THADA: variants seen among roughly 807,000 people sequenced by gnomAD.
THADA encodes tRNA (32-2'-O)-methyltransferase regulator THADA.
In THADA, 213 loss-of-function variants were observed where a neutral mutation model predicts 219.8. The ratio of observed to expected loss-of-function variants is 0.97; its 90% confidence interval spans 0.87 to 1.09. THADA has a LOEUF of 1.09. Ranked by LOEUF, THADA falls within the 50% of genes least tolerant of loss-of-function variation. The pLI, the probability that THADA is intolerant of heterozygous loss-of-function variation, is 0.00. For synonymous variants in THADA, 1,018 were observed against 828.9 expected (o/e 1.23, Z -3.92); for missense variants, 2,956 against 2,311.3 (o/e 1.28, Z -5.72).
At chr2:43,281,958 A>G (rs570179246) in intron 35 of THADA, among the ~76,000 whole-genome samples, 1 of 152,042 alleles carries the variant, frequency 6.6e-6, no homozygotes, top group Non-Finnish European at 1.5e-5. Flanking sequence ...TTTGTAGACA[A>G]AAGATCTTGC....
chr2:43,501,116 G>A (rs959606243), intron 24 of THADA, among the ~76,000 whole-genome samples: 2 of 151,662 alleles, frequency 1.3e-5, no homozygotes, highest in African/African-American at 4.8e-5. Flanking sequence ...AACCAGCCCG[G>A]CCAACATGGT....
chr2:43,415,667 T>C (rs932530753), intron 28 of THADA, among the ~76,000 whole-genome samples: 1 of 152,060 alleles, frequency 6.6e-6, no homozygotes, highest in African/African-American at 2.4e-5. Flanking sequence ...TGCCAGATCA[T>C]GGATTGCCCA....
At chr2:43,417,171 G>A (rs550517932) in intron 28 of THADA, among the ~76,000 whole-genome samples, 2 of 137,166 alleles carry the variant, frequency 1.5e-5, no homozygotes, top group Non-Finnish European at 3.1e-5. Flanking sequence ...TGCTATTATT[G>A]TTTTTTTTTT....
At chr2:43,375,430 T>A (rs905406899) in intron 29 of THADA, among the ~76,000 whole-genome samples, 1 of 152,224 alleles carries the variant, frequency 6.6e-6, no homozygotes, top group South Asian at 2.1e-4. Flanking sequence ...TATAACACAG[T>A]ATTTTCTCTC....
At chr2:43,541,950 A>AT (rs951106110) in intron 20 of THADA, among the ~76,000 whole-genome samples, 1 of 152,224 alleles carries the variant, frequency 6.6e-6, no homozygotes, top group African/African-American at 2.4e-5. Flanking sequence ...CTCCTTATTT[A>AT]TTTTGGTGAG....
At chr2:43,232,999 G>A in intron 36 of THADA, 117 bp from the exon 37 acceptor site, 1 of 1,119,178 alleles carries the variant, frequency 8.9e-7, no homozygotes, top group Non-Finnish European at 1.3e-6. Context: ...CACCAGCCTG[G>A]CAGGGAAGCT....
At chr2:43,523,050 C>T (rs1692691399) in intron 22 of THADA, among the ~76,000 whole-genome samples, 1 of 152,044 alleles carries the variant, frequency 6.6e-6, no homozygotes, top group Non-Finnish European at 1.5e-5. Flanking sequence ...CTTATTTAGA[C>T]ACATTTCCCA....
intron 36 of THADA, among the ~76,000 whole-genome samples, chr2:43,258,519 T>C (rs1305750678): frequency 6.6e-6 from 1 of 152,150 alleles, no homozygotes; most frequent in Non-Finnish European, 1.5e-5. Context: ...TGAAACTCTG[T>C]CTCAAAAAAT....
At chr2:43,405,256 A>G (rs1373779253) in intron 28 of THADA, among the ~76,000 whole-genome samples, 1 of 152,190 alleles carries the variant, frequency 6.6e-6, no homozygotes, top group Non-Finnish European at 1.5e-5. Flanking sequence ...TGTGGTTCGT[A>G]GTTTCAAATC....
At position 43,241,468 on chromosome 2, in the gene THADA, G is replaced by C. The variant is rs537134226; in HGVS notation, c.5297-8586C>G. Among the ~76,000 whole-genome samples, 2 of 150,174 alleles carry C rather than the reference G, an allele frequency of 1.3e-5. 1 individual carries two copies. Among genetic ancestry groups the C allele is most frequent in the South Asian group, 4.3e-4 (2 of 4,676 alleles). On this transcript the variant is annotated intron_variant, in intron 36 of 37. Coordinates refer to ENST00000405975, the MANE Select transcript of THADA (RefSeq NM_022065.5). ...GCAGAATCCAAACACACACAACTTG[G>C]GTTCTAAGCTGAGTTGTGTCAGCTA...
chr2:43,276,248 G>A (rs1335351504), intron 36 of THADA, among the ~76,000 whole-genome samples: 1 of 152,206 alleles, frequency 6.6e-6, no homozygotes, highest in Admixed American at 6.5e-5. Context: ...AGAGGGTCCT[G>A]CAGCTGGGGC....
chr2:43,413,407 G>A (rs1676543670), intron 28 of THADA, among the ~76,000 whole-genome samples: 1 of 152,152 alleles, frequency 6.6e-6, no homozygotes, highest in Admixed American at 6.5e-5. Context: ...GATGGGTTGG[G>A]TTTTGGACAG....
intron 36 of THADA, among the ~76,000 whole-genome samples, chr2:43,241,629 T>A (rs1415759009): frequency 6.6e-6 from 1 of 151,434 alleles, no homozygotes; most frequent in African/African-American, 2.4e-5. Context: ...AGATCCAAAT[T>A]TCTAGCATCT....
At chr2:43,440,736 G>T (rs550479203) in intron 26 of THADA, among the ~76,000 whole-genome samples, 2 of 152,138 alleles carry the variant, frequency 1.3e-5, no homozygotes, top group Non-Finnish European at 2.9e-5. Context: ...CTATTTCTTG[G>T]TTGAGTAAGA....
At chr2:43,467,181 CAAAAAAAAAAAAAA>C (rs70963399) in intron 26 of THADA, among the ~76,000 whole-genome samples, 3 of 58,390 alleles carry the variant, frequency 5.1e-5, no homozygotes, top group Non-Finnish European at 6.5e-5. Flanking sequence ...GACTCCGTCT[CAAAAAAAAAAAAAA>C]AAAAAAAAAA....
chr2:43,457,162 AC>A, intron 26 of THADA, among the ~76,000 whole-genome samples: 1 of 120,240 alleles, frequency 8.3e-6, no homozygotes, highest in African/African-American at 3.5e-5. Context: ...ACACACACAC[AC>A]ACACACACAC....
At chr2:43,467,993 GT>G (rs1223573759) in intron 26 of THADA, among the ~76,000 whole-genome samples, 12 of 152,312 alleles carry the variant, frequency 7.9e-5, no homozygotes, top group Admixed American at 3.9e-4. Context: ...TTGGTTAACT[GT>G]TATGCTTGGA....
chr2:43,285,330 T>C (rs1449060642), intron 35 of THADA, among the ~76,000 whole-genome samples: 1 of 152,168 alleles, frequency 6.6e-6, no homozygotes, highest in South Asian at 2.1e-4. Context: ...GATTTCCCCC[T>C]TGCTATTCTC....
intron 5 of THADA, 45 bp downstream of exon 5, chr2:43,586,809 T>C (rs2104147180): frequency 6.2e-7 from 1 of 1,611,462 alleles, no homozygotes; most frequent in East Asian, 2.2e-5. Context: ...TATGATGTGA[T>C]GAGAGGGGTT....
Sources: gnomAD v4.1 joint callset for allele counts (sites outside exome capture counted in the v4.1 genomes callset) on GRCh38, gnomAD v4.1.1 for gene constraint, MANE v1.5 for transcripts, NCBI Gene and HGNC (gene_info 2026-07-23, HGNC 2026-07-21) for gene names.